The following PEBP4 variants were observed in gnomAD, a reference collection of about 807,000 sequenced individuals.
PEBP4 encodes the protein phosphatidylethanolamine binding protein 4.
PEBP4 carries 22 observed loss-of-function variants against 23.9 expected under a neutral mutation model. The observed-to-expected ratio is 0.92, with a 90% CI of 0.66 to 1.31. The LOEUF is 1.31. Among genes scored for constraint, PEBP4 ranks in the 40% most tolerant of loss-of-function variants. The pLI, the probability that PEBP4 is intolerant of heterozygous loss-of-function variation, is 0.00. For missense variants in PEBP4, 324 were observed against 281.7 expected, an observed-to-expected ratio of 1.15 and a Z score of -1.07; for synonymous variants, 112 against 99.3, an observed-to-expected ratio of 1.13 and a Z score of -0.76.
chr8:22,789,067 T>C (rs1240645032), intron 4 of PEBP4, among the ~76,000 whole-genome samples: 1 of 152,222 alleles, frequency 6.6e-6, no homozygotes, highest in Non-Finnish European at 1.5e-5. Flanking sequence ...TATGATACAT[T>C]CATTTTCAAA....
At chr8:22,909,133 G>A (rs1808879817) in intron 3 of PEBP4, among the ~76,000 whole-genome samples, 1 of 152,132 alleles carries the variant, frequency 6.6e-6, no homozygotes, top group African/African-American at 2.4e-5. Context: ...CAGCTCACAG[G>A]TTCCTGGGGT....
chr8:22,850,143 GAAATA>G (rs1317322753), intron 3 of PEBP4, among the ~76,000 whole-genome samples: 1 of 151,934 alleles, frequency 6.6e-6, no homozygotes, highest in Non-Finnish European at 1.5e-5. Context: ...TGGCTTAGAA[GAAATA>G]AATAATGGGC....
At chr8:22,805,407 A>AC (rs58259813) in intron 4 of PEBP4, among the ~76,000 whole-genome samples, 30,424 of 151,930 alleles carry the variant, frequency 0.2, 3,479 homozygotes, top group East Asian at 0.34. Flanking sequence ...GCTCACCACA[A>AC]CCTCCGTCTC....
chr8:22,752,631 CTCTTGCAACCAGAAAG>C (rs1200456658), intron 4 of PEBP4, among the ~76,000 whole-genome samples: 1 of 152,244 alleles, frequency 6.6e-6, no homozygotes, highest in African/African-American at 2.4e-5. Context: ...AGGGAATCTC[CTCTTGCAACCAGAAAG>C]TCTGGGCTAG....
At chr8:22,931,716 T>C (rs1205210372), upstream of PEBP4, among the ~76,000 whole-genome samples, 1 of 152,190 alleles carries the variant, frequency 6.6e-6, no homozygotes, top group Middle Eastern at 3.2e-3. Context: ...TCCAAGTAGC[T>C]GGGATTACAG....
At position 22,766,109 on chromosome 8, in the gene PEBP4, T is replaced by C. The variant is rs575278363; in HGVS notation, c.358-38889A>G. ...TGATGGACTCCCTAAACACTTCCTCTTCCTTCCAAGCCTGTGTCTCCCTTC... is the reference window on the plus strand; with the variant it reads ...TGATGGACTCCCTAAACACTTCCTCCTCCTTCCAAGCCTGTGTCTCCCTTC... On this transcript the variant is annotated intron_variant, in intron 4 of 6. Coordinates refer to ENST00000256404, the MANE Select transcript of PEBP4 (RefSeq NM_144962.3). Among the ~76,000 whole-genome samples, 6 of 152,346 alleles carry C rather than the reference T, an allele frequency of 3.9e-5. No homozygotes were observed. In the South Asian group the frequency reaches 1.2e-3, roughly 32 times the overall value.
chr8:22,854,218 C>G (rs1331623737), intron 3 of PEBP4, among the ~76,000 whole-genome samples: 2 of 152,212 alleles, frequency 1.3e-5, no homozygotes, highest in Non-Finnish European at 2.9e-5. Flanking sequence ...AGGAGCTTTG[C>G]TGGTGTTCAT....
intron 4 of PEBP4, among the ~76,000 whole-genome samples, chr8:22,803,424 T>C (rs889564896): frequency 2.0e-5 from 3 of 152,010 alleles, no homozygotes; most frequent in African/African-American, 7.2e-5. Context: ...TCCCAGCACT[T>C]TGGGAGGCTG....
intron 3 of PEBP4, among the ~76,000 whole-genome samples, chr8:22,903,342 G>A (rs1019028510): frequency 1.3e-5 from 2 of 152,202 alleles, no homozygotes; most frequent in African/African-American, 4.8e-5. Flanking sequence ...TGGTTGTGAA[G>A]AGTAAATGAG....
chr8:22,826,065 T>C (rs1416694685), intron 3 of PEBP4, among the ~76,000 whole-genome samples: 3 of 152,144 alleles, frequency 2.0e-5, no homozygotes, highest in Admixed American at 6.5e-5. Flanking sequence ...TGCTCATTGA[T>C]GAGTATAGAC....
chr8:22,873,179 C>T (rs902522179), intron 3 of PEBP4, among the ~76,000 whole-genome samples: 2 of 152,158 alleles, frequency 1.3e-5, no homozygotes, highest in Non-Finnish European at 2.9e-5. Flanking sequence ...CGAGACTGCA[C>T]CTGCATTGGT....
intron 3 of PEBP4, among the ~76,000 whole-genome samples, chr8:22,876,355 A>G (rs1361307460): frequency 1.3e-5 from 2 of 152,220 alleles, no homozygotes; most frequent in Non-Finnish European, 2.9e-5. Flanking sequence ...CTGCATCACC[A>G]GTGCATACGG....
At chr8:22,772,882 C>A (rs1216629963) in intron 4 of PEBP4, among the ~76,000 whole-genome samples, 1 of 152,192 alleles carries the variant, frequency 6.6e-6, no homozygotes, top group Non-Finnish European at 1.5e-5. Flanking sequence ...GCCTTCAAGG[C>A]AGCCTCCACC....
At chr8:22,776,558 C>T (rs1471782340) in intron 4 of PEBP4, among the ~76,000 whole-genome samples, 1 of 151,970 alleles carries the variant, frequency 6.6e-6, no homozygotes, top group Non-Finnish European at 1.5e-5. Context: ...TTCTTACATC[C>T]TCCTCCCACG....
chr8:22,883,279 G>A (rs1027640065), intron 3 of PEBP4, among the ~76,000 whole-genome samples: 4 of 152,142 alleles, frequency 2.6e-5, no homozygotes, highest in African/African-American at 7.2e-5. Flanking sequence ...CAGCCCCAAG[G>A]AGGCAGCAGA....
At chr8:22,736,102 A>T (rs1804855351) in intron 4 of PEBP4, among the ~76,000 whole-genome samples, 1 of 151,618 alleles carries the variant, frequency 6.6e-6, no homozygotes, top group Non-Finnish European at 1.5e-5. Flanking sequence ...CCCTCGGGGA[A>T]CTCCTGCTTG....
intron 4 of PEBP4, among the ~76,000 whole-genome samples, chr8:22,782,439 C>T (rs940307185): frequency 2.6e-5 from 4 of 152,212 alleles, no homozygotes; most frequent in African/African-American, 9.7e-5. Flanking sequence ...CAGACCTCTG[C>T]CTTTGGGGGC....
At chr8:22,745,360 C>A (rs1347342907) in intron 4 of PEBP4, among the ~76,000 whole-genome samples, 5 of 152,156 alleles carry the variant, frequency 3.3e-5, no homozygotes, top group Non-Finnish European at 4.4e-5. Flanking sequence ...GGAGTGAGCC[C>A]TGCAGGGATG....
intron 3 of PEBP4, among the ~76,000 whole-genome samples, chr8:22,901,266 C>G (rs1167155894): frequency 1.3e-5 from 2 of 152,154 alleles, no homozygotes; most frequent in African/African-American, 4.8e-5. Flanking sequence ...AAGAGGGAAG[C>G]AAGCGAAGAC....
Sources: gnomAD v4.1 joint callset for allele counts (sites outside exome capture counted in the v4.1 genomes callset) on GRCh38, gnomAD v4.1.1 for gene constraint, MANE v1.5 for transcripts, NCBI Gene and HGNC (gene_info 2026-07-23, HGNC 2026-07-21) for gene names.